Variants in RASSF4 observed in about 807,000 individuals in gnomAD.
RASSF4 encodes the protein Ras association domain family member 4.
A neutral mutation model predicts 41.1 loss-of-function variants in RASSF4; 38 were observed. The ratio of observed to expected loss-of-function variants is 0.92; its 90% CI spans 0.71 to 1.21. The LOEUF (loss-of-function observed/expected upper bound fraction) is 1.21, where lower values mean the gene tolerates loss of function less well. Ranked by LOEUF, RASSF4 falls within the 50% of genes most tolerant of loss-of-function variation. The probability of loss-of-function intolerance (pLI) is 0.00; values close to 1 mark genes in which losing one functional copy is unlikely to be tolerated. For missense variants in RASSF4, 414 were observed against 419.4 expected (o/e 0.99, Z 0.11); for synonymous variants, 179 against 163.4 (o/e 1.10, Z -0.73).
At chr10:44,979,111 C>T (rs1841591827) in intron 3 of RASSF4, among the ~76,000 whole-genome samples, 1 of 152,164 alleles carries the variant, frequency 6.6e-6, no homozygotes, top group South Asian at 2.1e-4. Context: ...GCTTGTTTCC[C>T]ACTCTGTGTT....
At position 44,995,377 on chromosome 10, in the gene RASSF4, G is replaced by A. The variant is rs1048244253; in HGVS notation, c.*2048G>A. Reference sequence around the variant, plus strand: ...GCAGAGTTGGCTAAGAAGTGCATGTGGCGTCACAGGCCAAGATGCACCTGC... The same window carrying A: ...GCAGAGTTGGCTAAGAAGTGCATGTAGCGTCACAGGCCAAGATGCACCTGC... On this transcript the variant is annotated 3_prime_UTR_variant, in exon 11 of 11. Coordinates refer to ENST00000340258, the MANE Select transcript of RASSF4 (RefSeq NM_032023.4). 3.9e-5 allele frequency: 6 copies of A among 152,308 alleles called. No homozygotes were observed. The highest frequency in any genetic ancestry group is 7.3e-5 in the Non-Finnish European group (5 of 68,098). 9.4% of individuals were successfully genotyped at this position (152,308 alleles called of 1,614,324 possible). A position where few individuals can be genotyped will look rare whatever the true frequency, so the allele number is the denominator to read the frequency against.
intron 6 of RASSF4, among the ~76,000 whole-genome samples, chr10:44,986,244 A>T (rs1258265066): frequency 6.6e-6 from 1 of 152,220 alleles, no homozygotes; most frequent in East Asian, 1.9e-4. Context: ...GGAGTTTAGC[A>T]TTGGTACATT....
At chr10:44,986,316 T>G (rs868633568) in intron 6 of RASSF4, among the ~76,000 whole-genome samples, 1 of 152,196 alleles carries the variant, frequency 6.6e-6, no homozygotes, top group Non-Finnish European at 1.5e-5. Flanking sequence ...TAAACCTTAT[T>G]GTAGTGATTG....
intron 9 of RASSF4, 161 bp downstream of exon 9, chr10:44,991,230 C>G: frequency 1.8e-6 from 1 of 545,566 alleles, no homozygotes; most frequent in Non-Finnish European, 3.0e-6. Flanking sequence ...GGCGCCAGCC[C>G]TCCCTCTCCC....
Position 44,994,857 on chromosome 10 carries a change from A to AGTTT in RASSF4, c.*1528_*1529insGTTT, listed in dbSNP as rs1842240054. ...CCACAACTCGCTGCTCTAGGAGCCG[A>AGTTT]CATGACTCCTTCATTTCTGTGCATG... On this transcript the variant is annotated 3_prime_UTR_variant, in exon 11 of 11. Transcript: ENST00000340258. 2.6e-5 allele frequency: 4 copies of AGTTT among 151,978 alleles called. No homozygotes were observed. The highest frequency in any genetic ancestry group is 9.7e-5 in the African/African-American group (4 of 41,348). The allele number at this position is 151,978 out of a possible 1,614,324, so 9.4% of individuals were successfully genotyped here.
chr10:44,975,825 T>C (rs193140721), intron 3 of RASSF4, among the ~76,000 whole-genome samples: 5 of 151,676 alleles, frequency 3.3e-5, no homozygotes, highest in Admixed American at 6.6e-5. Context: ...GATGGTCTCC[T>C]CAAACTGCCA....
At chr10:44,979,238 T>C (rs1268908092) in intron 3 of RASSF4, among the ~76,000 whole-genome samples, 2 of 152,136 alleles carry the variant, frequency 1.3e-5, no homozygotes, top group Admixed American at 6.5e-5. Context: ...CTAGGCCTGC[T>C]CCTAGGAGAG....
At chr10:44,975,273 C>T (rs547226359) in intron 3 of RASSF4, among the ~76,000 whole-genome samples, 6 of 152,142 alleles carry the variant, frequency 3.9e-5, no homozygotes, top group Non-Finnish European at 7.4e-5. Context: ...AGAGTTGCCC[C>T]GTCCCCTCTC....
At chr10:44,978,262 A>G (rs1841540657) in intron 3 of RASSF4, 1 of 528,196 alleles carries the variant, frequency 1.9e-6, no homozygotes, top group Admixed American at 3.8e-5. Flanking sequence ...TTTTATCATT[A>G]TCGTTTCAGA....
chr10:44,962,314 G>A (rs1840738454), intron 1 of RASSF4, among the ~76,000 whole-genome samples: 2 of 152,380 alleles, frequency 1.3e-5, no homozygotes, highest in Middle Eastern at 3.4e-3. Context: ...GGAGTACATG[G>A]ACAAGAGCTG....
chr10:44,978,229 T>C (rs1247695267), intron 3 of RASSF4: 1 of 577,130 alleles, frequency 1.7e-6, no homozygotes, highest in African/African-American at 1.9e-5. Flanking sequence ...CCTGTTCAGG[T>C]TAAAAACCCC....
At chr10:44,987,870 C>G (rs764358928) in intron 6 of RASSF4, among the ~76,000 whole-genome samples, 18 of 151,980 alleles carry the variant, frequency 1.2e-4, no homozygotes, top group Non-Finnish European at 2.4e-4. Flanking sequence ...CCTGGGAAAC[C>G]AAAACATTTG....
rs1028212674 is a variant in RASSF4, at chr10:44,982,726, G to C, written c.281+63G>C. 9 of 1,553,002 alleles carry C rather than the reference G, an allele frequency of 5.8e-6. No individual in the cohort carries two copies. In the African/African-American group the frequency reaches 1.1e-4, roughly 19 times the overall value. On this transcript the variant is annotated intron_variant, in intron 4 of 10. Transcript: ENST00000340258. ...TGAGCTCCCGGGTTGGGGATATCCCGAGCCTCAGGGTGGGAGCCCTGTTCC... is the reference window on the plus strand; with the variant it reads ...TGAGCTCCCGGGTTGGGGATATCCCCAGCCTCAGGGTGGGAGCCCTGTTCC...
At chr10:44,991,600 C>T (rs1191541512) in intron 9 of RASSF4, among the ~76,000 whole-genome samples, 1 of 152,212 alleles carries the variant, frequency 6.6e-6, no homozygotes, top group Non-Finnish European at 1.5e-5. Flanking sequence ...CAATGGTGCT[C>T]CCACCTCCCT....
chr10:44,973,373 T>TG (rs1841261638), intron 3 of RASSF4, among the ~76,000 whole-genome samples: 1 of 152,152 alleles, frequency 6.6e-6, no homozygotes, highest in Non-Finnish European at 1.5e-5. Context: ...GAGAGGGTGA[T>TG]GGCACCACAG....
At chr10:44,985,576 C>A (rs1841893785) in intron 6 of RASSF4, among the ~76,000 whole-genome samples, 1 of 152,254 alleles carries the variant, frequency 6.6e-6, no homozygotes, top group African/African-American at 2.4e-5. Flanking sequence ...CAGGCCATAT[C>A]TTTCCCTCAG....
intron 1 of RASSF4, among the ~76,000 whole-genome samples, chr10:44,965,387 T>C (rs781495702): frequency 1.3e-5 from 2 of 152,206 alleles, no homozygotes; most frequent in African/African-American, 2.4e-5. Flanking sequence ...GCTGCATTAA[T>C]GGAGATTCTC....
chr10:44,964,387 G>A (rs1469039576), intron 1 of RASSF4, among the ~76,000 whole-genome samples: 2 of 152,222 alleles, frequency 1.3e-5, no homozygotes, highest in African/African-American at 2.4e-5. Context: ...GGAGGGGAAC[G>A]GGCCCAGACA....
chr10:44,988,304 A>G (rs1247818321), intron 6 of RASSF4, among the ~76,000 whole-genome samples: 5 of 152,216 alleles, frequency 3.3e-5, no homozygotes, highest in African/African-American at 1.2e-4. Flanking sequence ...ATGAATATTA[A>G]ATCAATGATT....
Sources: gnomAD v4.1 joint callset for allele counts (sites outside exome capture counted in the v4.1 genomes callset) on GRCh38, gnomAD v4.1.1 for gene constraint, MANE v1.5 for transcripts, NCBI Gene and HGNC (gene_info 2026-07-23, HGNC 2026-07-21) for gene names.